Variants in SPARCL1 observed in about 807,000 individuals in gnomAD.
The protein encoded by SPARCL1 is SPARC like 1, also known as SPARC-like protein 1.
SPARCL1 carries 52 observed loss-of-function variants against 67.1 expected under a neutral mutation model. The ratio of observed to expected loss-of-function variants is 0.78; its 90% CI spans 0.62 to 0.98. The LOEUF (loss-of-function observed/expected upper bound fraction) is 0.98, where lower values mean the gene tolerates loss of function less well. Ranked by LOEUF, SPARCL1 falls within the 50% of genes least tolerant of loss-of-function variation. The probability of loss-of-function intolerance (pLI) is 0.00; values close to 1 mark genes in which losing one functional copy is unlikely to be tolerated. For synonymous variants in SPARCL1, 226 were observed against 267.8 expected, an observed-to-expected ratio of 0.84 and a Z score of 1.52; for missense variants, 717 against 782.4, an observed-to-expected ratio of 0.92 and a Z score of 1.00.
chr4:87,512,248 C>A (rs1725395587), intron 1 of SPARCL1, among the ~76,000 whole-genome samples: 1 of 152,124 alleles, frequency 6.6e-6, no homozygotes, highest in Non-Finnish European at 1.5e-5. Flanking sequence ...GGATTACAGG[C>A]ATGAGCCACC....
chr4:87,519,924 C>T (rs1360235369), intron 1 of SPARCL1, among the ~76,000 whole-genome samples: 1 of 152,130 alleles, frequency 6.6e-6, no homozygotes, highest in East Asian at 1.9e-4. Flanking sequence ...AAGGGTGACA[C>T]ACAGCATTGG....
chr4:87,516,071 T>G (rs920267531), intron 1 of SPARCL1, among the ~76,000 whole-genome samples: 1 of 152,186 alleles, frequency 6.6e-6, no homozygotes, highest in African/African-American at 2.4e-5. Flanking sequence ...CCTTGGAACT[T>G]TTACCTAATC....
chr4:87,511,209 T>G (rs1348248338), intron 1 of SPARCL1, among the ~76,000 whole-genome samples: 1 of 152,146 alleles, frequency 6.6e-6, no homozygotes, highest in Non-Finnish European at 1.5e-5. Flanking sequence ...AAAACACAAC[T>G]GGATAGTTCT....
chr4:87,493,469 G>C, intron 4 of SPARCL1, 113 bp downstream of exon 4: 1 of 855,060 alleles, frequency 1.2e-6, no homozygotes, highest in South Asian at 2.2e-5. Flanking sequence ...ATATATTTTA[G>C]TAATGTACTA....
intron 1 of SPARCL1, among the ~76,000 whole-genome samples, chr4:87,522,059 C>A (rs553454065): frequency 6.6e-6 from 1 of 152,172 alleles, no homozygotes. Context: ...CTAACATATA[C>A]GTGCTGTTAC....
chr4:87,476,762 G>T (rs1578091462), intron 10 of SPARCL1, among the ~76,000 whole-genome samples: 1 of 152,158 alleles, frequency 6.6e-6, no homozygotes, highest in South Asian at 2.1e-4. Flanking sequence ...TAAGCAACAT[G>T]CCCTAATTCA....
chr4:87,510,739 A>C (rs2110252211), intron 1 of SPARCL1, among the ~76,000 whole-genome samples: 1 of 152,310 alleles, frequency 6.6e-6, no homozygotes, highest in East Asian at 1.9e-4. Context: ...ACGTGCAGGT[A>C]TCCAAAAAGG....
chr4:87,501,521 A>AT (rs1047143723), intron 1 of SPARCL1, among the ~76,000 whole-genome samples: 1 of 151,830 alleles, frequency 6.6e-6, no homozygotes, highest in South Asian at 2.1e-4. Flanking sequence ...TTTTCTCAGA[A>AT]TTTTTTTTAA....
intron 7 of SPARCL1, among the ~76,000 whole-genome samples, chr4:87,484,507 T>C (rs984308458): frequency 3.3e-5 from 5 of 152,112 alleles, no homozygotes; most frequent in Non-Finnish European, 7.4e-5. Context: ...AGTTTGAAGT[T>C]AGTTAGCGTG....
At chr4:87,493,511 C>G in intron 4 of SPARCL1, 71 bp downstream of exon 4, 1 of 1,387,848 alleles carries the variant, frequency 7.2e-7, no homozygotes, top group Non-Finnish European at 9.8e-7. Context: ...TGTGAGAGCA[C>G]AGAGAAAGGT....
intron 1 of SPARCL1, among the ~76,000 whole-genome samples, chr4:87,503,097 T>C (rs1201372823): frequency 6.6e-6 from 1 of 152,242 alleles, no homozygotes; most frequent in Non-Finnish European, 1.5e-5. Flanking sequence ...ATTGTGTTTA[T>C]TCTGAGTGCA....
intron 7 of SPARCL1, among the ~76,000 whole-genome samples, chr4:87,483,106 C>T (rs560594686): frequency 1.5e-3 from 212 of 140,474 alleles, no homozygotes; most frequent in Middle Eastern, 7.1e-3. Flanking sequence ...TTTAATTATA[C>T]TTTAAGTTCT....
At chr4:87,485,656 G>C (rs1724025379) in intron 7 of SPARCL1, among the ~76,000 whole-genome samples, 1 of 151,726 alleles carries the variant, frequency 6.6e-6, no homozygotes, top group African/African-American at 2.4e-5. Context: ...GCTCCTCTTT[G>C]TACCTCTGGT....
intron 1 of SPARCL1, among the ~76,000 whole-genome samples, chr4:87,502,929 T>G (rs1309008346): frequency 6.6e-6 from 1 of 152,236 alleles, no homozygotes; most frequent in East Asian, 1.9e-4. Context: ...TTTTCTTTTC[T>G]CTAGAGGAGA....
At chr4:87,514,083 A>G (rs1309245436) in intron 1 of SPARCL1, among the ~76,000 whole-genome samples, 7 of 152,112 alleles carry the variant, frequency 4.6e-5, no homozygotes, top group African/African-American at 1.7e-4. Context: ...AATCCCAGCT[A>G]CTTGGGAGGC....
chr4:87,521,828 G>A (rs1041976530), intron 1 of SPARCL1, among the ~76,000 whole-genome samples: 4 of 152,172 alleles, frequency 2.6e-5, no homozygotes, highest in African/African-American at 7.2e-5. Flanking sequence ...ATAAGGCCAG[G>A]TATCTTCTGT....
At chr4:87,515,875 C>T (rs960866695) in intron 1 of SPARCL1, among the ~76,000 whole-genome samples, 2 of 152,178 alleles carry the variant, frequency 1.3e-5, no homozygotes, top group African/African-American at 4.8e-5. Flanking sequence ...CAATTTCTTA[C>T]ATTTCTTATT....
At chr4:87,485,837 T>A (rs903706866) in intron 7 of SPARCL1, among the ~76,000 whole-genome samples, 45 of 152,224 alleles carry the variant, frequency 3.0e-4, no homozygotes, top group African/African-American at 9.4e-4. Flanking sequence ...TTCTAGATTT[T>A]CTAGTTTATT....
chr4:87,523,605 A>G (rs1253688166), intron 1 of SPARCL1, among the ~76,000 whole-genome samples: 2 of 152,226 alleles, frequency 1.3e-5, no homozygotes, highest in African/African-American at 4.8e-5. Context: ...GCTCTGTATT[A>G]GATAATTACA....
Sources: gnomAD v4.1 joint callset for allele counts (sites outside exome capture counted in the v4.1 genomes callset) on GRCh38, gnomAD v4.1.1 for gene constraint, MANE v1.5 for transcripts, NCBI Gene and HGNC (gene_info 2026-07-23, HGNC 2026-07-21) for gene names.